SDCBP2: variants seen among roughly 807,000 people sequenced by gnomAD.
SDCBP2 encodes the protein syntenin-2.
SDCBP2 carries 28 observed loss-of-function variants against 30.7 expected under a neutral mutation model. That is an observed-to-expected ratio of 0.91 (90% CI 0.68 to 1.25). The LOEUF is 1.25. Ranked by LOEUF, SDCBP2 falls within the 50% of genes most tolerant of loss-of-function variation. The pLI is 0.00. For synonymous variants in SDCBP2, 166 were observed against 157.3 expected, an observed-to-expected ratio of 1.06 and a Z score of -0.41; for missense variants, 399 against 379.0, an observed-to-expected ratio of 1.05 and a Z score of -0.44.
At position 1,310,404 on chromosome 20, in the gene SDCBP2, G is replaced by A. The variant is rs770143624; in HGVS notation, c.*37C>T. On this transcript the variant is annotated 3_prime_UTR_variant, in exon 9 of 9. Transcript: ENST00000360779. ...TGGTTGCCCTTTGCTGCAGGAGGGC[G>A]GGAAGCCCCCCCTGCCTGCCCTGCC... is the stretch of plus-strand genomic sequence containing the variant. The A allele has an allele frequency of 1.2e-5, 20 of 1,606,300 alleles. No homozygotes were observed. In the East Asian group the frequency reaches 2.5e-4, roughly 20 times the overall value.
chr20:1,314,500 AAAAAAAAAAAAGGAAAGG>A (rs1448815543), intron 4 of SDCBP2, among the ~76,000 whole-genome samples: 9 of 148,958 alleles, frequency 6.0e-5, no homozygotes, highest in Middle Eastern at 3.4e-3. Context: ...AAAAAAAAAA[AAAAAAAAAAAAGGAAAGG>A]AAAGGAAAGG....
At chr20:1,311,200 T>G in intron 7 of SDCBP2, 1 of 277,032 alleles carries the variant, frequency 3.6e-6, no homozygotes, top group East Asian at 6.7e-5. Context: ...GCCTCATCAA[T>G]GCGATTCTCC....
In SDCBP2 at chr20:1,320,091, C is replaced by T. The variant is rs542949829; in HGVS notation, c.54+272G>A. Reference sequence around the variant, plus strand: ...AAAGCCTGCCTTAGAGCATGGAGCCCGCCCATCCTGGAGGGAGGGAGAGCT... The same window carrying T: ...AAAGCCTGCCTTAGAGCATGGAGCCTGCCCATCCTGGAGGGAGGGAGAGCT... On this transcript the variant is annotated intron_variant, in intron 2 of 8. Coordinates refer to ENST00000360779, the MANE Select transcript of SDCBP2 (RefSeq NM_080489.5). This position sits in a 1 kb window ranked among gnomAD's most constrained non-coding sequence, Gnocchi z 4.7. Among the ~76,000 whole-genome samples, 56 of 151,980 alleles carry T rather than the reference C, an allele frequency of 3.7e-4. No homozygotes were observed. The highest frequency in any genetic ancestry group is 7.4e-4 in the Non-Finnish European group (50 of 67,932).
rs1311553525 is a variant in SDCBP2, at chr20:1,319,671, C to G, written c.55-12G>C. ...GCTCTGACCTGGGCCTGGGGAGGAG[C>G]AGGGAGCACTGGTCAGCTGTGGCCA... On this transcript the variant is annotated splice_polypyrimidine_tract_variant and intron_variant, in intron 2 of 8. Transcript: ENST00000360779. 6.5e-7 allele frequency: 1 copy of G among 1,548,744 alleles called. No homozygotes were observed. The highest frequency in any genetic ancestry group is 2.0e-5 in the Admixed American group (1 of 49,904).
In SDCBP2 at chr20:1,320,168, G is replaced by A. The variant is rs1036253381; in HGVS notation, c.54+195C>T. Among the ~76,000 whole-genome samples the A allele has an allele frequency of 6.6e-6, 1 of 152,324 alleles. No individual in the cohort carries two copies. ...GAGAGAGGCATGCGTGCGCTGCTTG[G>A]TCTTTTCTATTCTTGCTGTAACGCC... On this transcript the variant is annotated intron_variant, in intron 2 of 8. Transcript: ENST00000360779. This position sits in a 1 kb window ranked among gnomAD's most constrained non-coding sequence, Gnocchi z 4.7.
At chr20:1,326,609 G>A (rs1157031142) in intron 1 of SDCBP2, among the ~76,000 whole-genome samples, 2 of 152,136 alleles carry the variant, frequency 1.3e-5, no homozygotes, top group African/African-American at 2.4e-5. Flanking sequence ...CCACCTGTAC[G>A]CATGGAGATT....
intron 1 of SDCBP2, among the ~76,000 whole-genome samples, chr20:1,328,577 A>G (rs1375807574): frequency 6.6e-6 from 1 of 152,040 alleles, no homozygotes; most frequent in Non-Finnish European, 1.5e-5. Context: ...TTTGTGGGCT[A>G]TTTTCAGTCT....
chr20:1,317,769 C>T, intron 4 of SDCBP2: 1 of 237,600 alleles, frequency 4.2e-6, no homozygotes, highest in East Asian at 1.1e-4. Context: ...CAGGACGAGC[C>T]TGGCAGGAAG....
At chr20:1,318,481 C>T in intron 3 of SDCBP2, 63 bp from the exon 4 acceptor site, 2 of 996,994 alleles carry the variant, frequency 2.0e-6, no homozygotes, top group Admixed American at 4.5e-5. Flanking sequence ...CTATGCCTGC[C>T]TGGCTCCCCT....
Position 1,312,646 on chromosome 20 carries a change from T to C in SDCBP2, c.501A>G (p.Lys167=), listed in dbSNP as rs988000367. Residue 167 remains lysine (K), a synonymous_variant, in exon 6 of 9, where the codon AAA becomes AAG. Coordinates refer to ENST00000360779, the MANE Select transcript of SDCBP2 (RefSeq NM_080489.5). ...ATGCCTTCTTCACCACCTGATGGGC[T>C]TTGTGCGAGCTCCACCCAGCACAGT... ...GRDCAGWSSH[K]AHQVVKKASG... 6.2e-7 allele frequency: 1 copy of C among 1,613,994 alleles called. No homozygotes were observed. Among genetic ancestry groups the C allele is most frequent in the African/African-American group, 1.3e-5 (1 of 74,890 alleles).
Position 1,310,501 on chromosome 20 carries a change from TACA to T in SDCBP2, c.825-9_825-7del. 2.5e-6 allele frequency: 4 copies of T among 1,613,546 alleles called. No homozygotes were observed. The highest frequency in any genetic ancestry group is 2.5e-6 in the Non-Finnish European group (3 of 1,179,832). ...GGAGCAGGACTGGAGGCAACCTGGA[TACA>T]GCAACAACAGTGACCAGGTTGGCAG... On this transcript the variant is annotated splice_region_variant and splice_polypyrimidine_tract_variant and intron_variant, in intron 8 of 8. Coordinates refer to ENST00000360779, the MANE Select transcript of SDCBP2 (RefSeq NM_080489.5).
chr20:1,310,452 G>C lies in SDCBP2; in HGVS notation c.868C>G (p.Pro290Ala). 1.2e-6 allele frequency: 2 copies of C among 1,613,558 alleles called. No homozygotes were observed. The highest frequency in any genetic ancestry group is 1.1e-5 in the South Asian group (1 of 91,068). The change falls in exon 9 of 9, where the codon CCA (proline) becomes GCA (alanine). Residue 290 changes from proline to alanine, a missense_variant. Transcript: ENST00000360779. Reference protein sequence around the residue: ...LLHHTMDHSIPDA With the variant: ...LLHHTMDHSIADA ...GCCCTGCAGTGGCTTCAGGCATCTG[G>C]GATGGAGTGGTCCATGGTGTGGTGG...
intron 4 of SDCBP2, among the ~76,000 whole-genome samples, chr20:1,316,807 C>A (rs889859414): frequency 1.2e-4 from 18 of 152,180 alleles, no homozygotes; most frequent in African/African-American, 3.9e-4. Flanking sequence ...ATAAGAATAA[C>A]TTTGTTTGTA....
At position 1,312,695 on chromosome 20, in the gene SDCBP2, T is replaced by C. The variant is rs754691102; in HGVS notation, c.452A>G (p.Gln151Arg). ...GTCACGCCCGTCAATCTGCAGGAGC[T>C]GGTCCCCAAAGCGCAGCCCCACAAG... is the stretch of plus-strand genomic sequence containing the variant. Reference protein sequence around the residue: ...ASLVGLRFGDQLLQIDGRDCA... With the variant: ...ASLVGLRFGDRLLQIDGRDCA... Residue 151 changes from glutamine (Q) to arginine (R), a missense_variant, in exon 6 of 9, where the codon CAG (glutamine) becomes CGG (arginine). Physicochemically the swap from Gln to Arg is conservative, Grantham distance 43 (BLOSUM62 1). Coordinates refer to ENST00000360779, the MANE Select transcript of SDCBP2 (RefSeq NM_080489.5). 1.5e-5 allele frequency: 25 copies of C among 1,614,030 alleles called. No individual in the cohort carries two copies. The highest frequency in any genetic ancestry group is 8.5e-6 in the Non-Finnish European group (10 of 1,180,030).
rs750179288 is a variant in SDCBP2, at chr20:1,310,879, T to C, written c.745A>G (p.Met249Val). ...NVIGLKDKKIMEILATAGNVV... is the reference protein window; with the variant it reads ...NVIGLKDKKIVEILATAGNVV... The stretch of plus-strand genomic sequence containing the variant: ...TTCCCAGCCGTGGCCAGAATCTCCA[T>C]GATCTTTTTGTCCTAGGGAGGAGGC... Residue 249 changes from methionine (M) to valine (V), a missense_variant, in exon 8 of 9, where the codon ATG becomes GTG. By Grantham distance (21) the Met-to-Val change is conservative (BLOSUM62 1). Coordinates refer to ENST00000360779, the MANE Select transcript of SDCBP2 (RefSeq NM_080489.5). The C allele has an allele frequency of 8.1e-6, 13 of 1,613,930 alleles. No individual in the cohort carries two copies. The highest frequency in any genetic ancestry group is 1.0e-5 in the Non-Finnish European group (12 of 1,179,844).
chr20:1,317,685 A>G (rs4814116), intron 4 of SDCBP2: 30,871 of 189,844 alleles, frequency 0.16, 2,851 homozygotes, highest in Middle Eastern at 0.21. Context: ...GTTCTCTATC[A>G]TCATATCCAT....
At chr20:1,318,028 C>T (rs572071707) in intron 4 of SDCBP2, 26 of 456,606 alleles carry the variant, frequency 5.7e-5, no homozygotes, top group East Asian at 2.3e-4. Context: ...CCCAGGTTCA[C>T]GCTGGGCTTA....
Position 1,314,511 on chromosome 20 carries a change from A to G in SDCBP2, c.226-1013T>C, listed in dbSNP as rs1242680911. Among the ~76,000 whole-genome samples the G allele has an allele frequency of 5.8e-4, 72 of 124,328 alleles. 1 individual carries two copies. The highest frequency in any genetic ancestry group is 2.0e-3 in the African/African-American group (65 of 32,460). 81.6% of individuals were successfully genotyped at this position (124,328 alleles called of 152,430 possible). ...CTCAAAAAAAAAAAAAAAAAAAAAAAGGAAAGGAAAGGAAAGGAAAAGAAA... is the reference window on the plus strand; with the variant it reads ...CTCAAAAAAAAAAAAAAAAAAAAAAGGGAAAGGAAAGGAAAGGAAAAGAAA... On this transcript the variant is annotated intron_variant, in intron 4 of 8. Coordinates refer to ENST00000360779, the MANE Select transcript of SDCBP2 (RefSeq NM_080489.5).
In SDCBP2 at chr20:1,318,406, T is replaced by C. The variant is rs2122524479; in HGVS notation, c.137A>G (p.Asn46Ser). The C allele has an allele frequency of 6.2e-7, 1 of 1,601,030 alleles. No homozygotes were observed. Among genetic ancestry groups the C allele is most frequent in the East Asian group, 2.2e-5 (1 of 44,708 alleles). ...CATATAATTTTCCAGTTCTGCCAAG[T>C]TTGGGTACAAAACTGATAGGGAAAG... ...AISPPPVLYPNLAELENYMGL... is the reference protein window; with the variant it reads ...AISPPPVLYPSLAELENYMGL... Residue 46 changes from asparagine to serine, a missense_variant, in exon 4 of 9, where the codon AAC (asparagine) becomes AGC (serine). By Grantham distance (46) the Asn-to-Ser change is conservative (BLOSUM62 1). Coordinates refer to ENST00000360779, the MANE Select transcript of SDCBP2 (RefSeq NM_080489.5).
Sources: allele counts gnomAD v4.1 joint callset (sites outside exome capture counted in the v4.1 genomes callset), GRCh38; gene constraint gnomAD v4.1.1; non-coding constraint Gnocchi (gnomAD v3.1); transcripts MANE v1.5; gene names NCBI Gene and HGNC (gene_info 2026-07-23, HGNC 2026-07-21).